The following MBD2 variants were observed in gnomAD, a reference collection of about 807,000 sequenced individuals.
MBD2 encodes the protein methyl-CpG binding domain protein 2, also known as methyl-CpG-binding domain protein 2.
MBD2 carries 9 observed loss-of-function variants against 39.3 expected under a neutral mutation model. The ratio of observed to expected loss-of-function variants is 0.23; its 90% CI spans 0.14 to 0.40. The LOEUF (loss-of-function observed/expected upper bound fraction) is 0.40. Among genes scored for constraint, MBD2 ranks in the 10% least tolerant of loss-of-function variants. The pLI is 1.00. For missense variants in MBD2, 458 were observed against 532.6 expected (o/e 0.86, Z 1.38); for synonymous variants, 233 against 211.1 (o/e 1.10, Z -0.90).
chr18:54,183,626 A>C (rs1291831486), intron 3 of MBD2, among the ~76,000 whole-genome samples: 1 of 152,260 alleles, frequency 6.6e-6, no homozygotes, highest in Non-Finnish European at 1.5e-5. Flanking sequence ...GAACAGTTTC[A>C]GTGAGAACAA....
Position 54,154,957 on chromosome 18 carries a change from G to A in MBD2, c.*367C>T, listed in dbSNP as rs550342581. ...AGTGAAGTCACAATAATCTTTAACT[G>A]GGAAATTTATTTAGAATTCCTGATC... On this transcript the variant is annotated 3_prime_UTR_variant, in exon 7 of 7. Coordinates refer to ENST00000256429, the MANE Select transcript of MBD2 (RefSeq NM_003927.5). 2.0e-4 allele frequency: 31 copies of A among 152,666 alleles called. No homozygotes were observed. The highest frequency in any genetic ancestry group is 1.8e-3 in the Admixed American group (28 of 15,282). 9.5% of individuals were successfully genotyped at this position (152,666 alleles called of 1,614,324 possible).
At chr18:54,218,271 A>C (rs2086578704) in intron 1 of MBD2, among the ~76,000 whole-genome samples, 3 of 152,214 alleles carry the variant, frequency 2.0e-5, no homozygotes, top group African/African-American at 7.2e-5. Flanking sequence ...TACTGCTTTA[A>C]TTATGTGGAT....
rs777411863 is a variant in MBD2 at position 54,204,992 on chromosome 18, A to G, written c.702+6T>C. The G allele has an allele frequency of 6.2e-7, 1 of 1,611,642 alleles. No individual in the cohort carries two copies. The highest frequency in any genetic ancestry group is 1.1e-5 in the South Asian group (1 of 90,434). ...GCATATACATGCGATAAGTAAATTA[A>G]CCAACCTTATTTTGATTGAGAGGAT... On this transcript the variant is annotated splice_donor_region_variant and intron_variant, in intron 2 of 6. Transcript: ENST00000256429.
chr18:54,180,994 T>G (rs1599086542), intron 3 of MBD2, among the ~76,000 whole-genome samples: 2 of 150,370 alleles, frequency 1.3e-5, no homozygotes, highest in African/African-American at 4.9e-5. Flanking sequence ...CCTCCTGGGT[T>G]CAAGCAATTC....
At chr18:54,204,966 A>G (rs2086437670) in intron 2 of MBD2, 32 bp downstream of exon 2, 1 of 1,599,008 alleles carries the variant, frequency 6.3e-7, no homozygotes. Flanking sequence ...CTTTCGAAGT[A>G]GCATATACAT....
rs534861403 is a variant in MBD2 at position 54,216,347 on chromosome 18, T to C, written c.542+7671A>G. 5.3e-5 allele frequency among the ~76,000 whole-genome samples: 8 copies of C among 152,352 alleles called. No individual in the cohort carries two copies. In the East Asian group the frequency reaches 1.3e-3, roughly 26 times the overall value. ...GCCCCTATAAGGGGAGTCAGGCCTA[T>C]GTATACAGCCAGATTAACCATAACT... On this transcript the variant is annotated intron_variant, in intron 1 of 6. Coordinates refer to ENST00000256429, the MANE Select transcript of MBD2 (RefSeq NM_003927.5).
At chr18:54,204,716 GA>G (rs1215267488) in intron 2 of MBD2, among the ~76,000 whole-genome samples, 1 of 151,982 alleles carries the variant, frequency 6.6e-6, no homozygotes, top group Non-Finnish European at 1.5e-5. Context: ...ATTTTGAGGG[GA>G]AAAAGAAAAA....
chr18:54,202,872 C>CAA, intron 2 of MBD2: 1 of 1,301,936 alleles, frequency 7.7e-7, no homozygotes, highest in South Asian at 1.2e-5. Context: ...GTCACAAATA[C>CAA]AATGGCAAAG....
intron 2 of MBD2, among the ~76,000 whole-genome samples, chr18:54,198,791 GA>G (rs1354318595): frequency 6.6e-6 from 1 of 152,198 alleles, no homozygotes; most frequent in East Asian, 1.9e-4. Context: ...GCCCAGATTA[GA>G]AACCTCCCTG....
chr18:54,202,242 C>G (rs1266772533), intron 2 of MBD2, among the ~76,000 whole-genome samples: 5 of 151,908 alleles, frequency 3.3e-5, no homozygotes, highest in African/African-American at 1.2e-4. Context: ...ACTCAGGAGG[C>G]TGAGGAAGAG....
intron 1 of MBD2, among the ~76,000 whole-genome samples, chr18:54,215,387 G>A (rs1325351840): frequency 4.0e-5 from 6 of 151,492 alleles, no homozygotes; most frequent in Admixed American, 3.3e-4. Flanking sequence ...CAGACCACTC[G>A]AACAAACGCT....
intron 1 of MBD2, 69 bp from the exon 2 acceptor site, chr18:54,205,226 T>C: frequency 7.4e-7 from 1 of 1,351,844 alleles, no homozygotes; most frequent in Non-Finnish European, 1.0e-6. Flanking sequence ...TCTTCATGTC[T>C]TCCCCTACCC....
In MBD2 at chr18:54,224,357, C is replaced by T. The variant is rs1173350751; in HGVS notation, c.203G>A (p.Gly68Asp). ...ACGGCCACAGACGCCGCCGCCCCGG[C>T]CCGCCTGCTTCCACCGCCCCCGGCC... The part of the protein sequence containing the change: ...GRGRGRWKQA[G>D]RGGGVCGRGR... Residue 68 changes from glycine to aspartate, a missense_variant, in exon 1 of 7, where the codon GGC (glycine) becomes GAC (aspartate). This residue lies in a region of MBD2 where 269 missense variants were observed against 236.0 expected (regional missense o/e 1.14). Transcript: ENST00000256429. 1 of 1,166,340 alleles carries T rather than the reference C, an allele frequency of 8.6e-7. No homozygotes were observed. The highest frequency in any genetic ancestry group is 1.1e-6 in the Non-Finnish European group (1 of 945,734). 72.2% of individuals were successfully genotyped at this position (1,166,340 alleles called of 1,614,324 possible).
chr18:54,219,620 T>G (rs1327401261), intron 1 of MBD2, among the ~76,000 whole-genome samples: 1 of 152,222 alleles, frequency 6.6e-6, no homozygotes, highest in Non-Finnish European at 1.5e-5. Flanking sequence ...ATAGTCACAT[T>G]GCTTACCTGG....
Position 54,206,668 on chromosome 18 carries a change from CAT to C in MBD2, c.543-1513_543-1512del, listed in dbSNP as rs202156210. 8.1e-3 allele frequency among the ~76,000 whole-genome samples: 1,241 copies of C among 152,334 alleles called. 20 individuals carry two copies. The highest frequency in any genetic ancestry group is 0.028 in the African/African-American group (1,148 of 41,566). On this transcript the variant is annotated intron_variant, in intron 1 of 6. Coordinates refer to ENST00000256429, the MANE Select transcript of MBD2 (RefSeq NM_003927.5). ...TCAAGATAACTGAAGATGCTATCAA[CAT>C]TCTTTTTCCACAACCACATGACTTA...
chr18:54,217,716 T>G (rs1327358239), intron 1 of MBD2, among the ~76,000 whole-genome samples: 1 of 152,206 alleles, frequency 6.6e-6, no homozygotes, highest in African/African-American at 2.4e-5. Flanking sequence ...TTAACTAAAT[T>G]TTTAAAAGCA....
At chr18:54,177,698 A>G (rs1010257280) in intron 3 of MBD2, among the ~76,000 whole-genome samples, 40 of 151,554 alleles carry the variant, frequency 2.6e-4, no homozygotes, top group African/African-American at 8.7e-4. Context: ...AGCCAGGATG[A>G]TCTCAATCTC....
At chr18:54,174,856 G>A (rs1268320200) in intron 3 of MBD2, among the ~76,000 whole-genome samples, 1 of 152,144 alleles carries the variant, frequency 6.6e-6, no homozygotes, top group Non-Finnish European at 1.5e-5. Flanking sequence ...CCACAGGATC[G>A]GGGTTCCCAC....
intron 2 of MBD2, chr18:54,203,224 AACAGT>A (rs1202456358): frequency 2.9e-5 from 36 of 1,250,268 alleles, no homozygotes; most frequent in Non-Finnish European, 3.6e-5. Context: ...TGGTTCTGGT[AACAGT>A]ACAGTAATCT....
Sources: gnomAD v4.1 joint callset for allele counts (sites outside exome capture counted in the v4.1 genomes callset) on GRCh38, gnomAD v4.1.1 for gene constraint, gnomAD v4.1.1 regional missense constraint, MANE v1.5 for transcripts, NCBI Gene and HGNC (gene_info 2026-07-23, HGNC 2026-07-21) for gene names.